KAZN: variants seen among roughly 807,000 people sequenced by gnomAD.
KAZN encodes kazrin.
A neutral mutation model predicts 87.4 loss-of-function variants in KAZN; 40 were observed. That is an observed-to-expected ratio of 0.46 (90% CI 0.36 to 0.60). The LOEUF (loss-of-function observed/expected upper bound fraction) is 0.60. Among genes scored for constraint, KAZN ranks in the 20% least tolerant of loss-of-function variants. KAZN has a pLI of 0.00. For missense variants in KAZN, 898 were observed against 1,073.9 expected (o/e 0.84, Z 2.29); for synonymous variants, 466 against 458.3 (o/e 1.02, Z -0.22).
intron 1 of KAZN, among the ~76,000 whole-genome samples, chr1:14,879,440 T>C (rs1002834138): frequency 1.3e-5 from 2 of 152,214 alleles, no homozygotes; most frequent in Non-Finnish European, 2.9e-5. Context: ...AACTGCTCAG[T>C]GCTACGTACA....
At chr1:14,346,280 A>G (rs1039481906) in intron 2 of KAZN, among the ~76,000 whole-genome samples, 1 of 152,148 alleles carries the variant, frequency 6.6e-6, no homozygotes, top group East Asian at 1.9e-4. Flanking sequence ...TTGGCTCGAA[A>G]ATGCTCTTCA....
In KAZN at chr1:14,847,288, G is replaced by T. The variant is rs1359102859; in HGVS notation, c.227-113396G>T. Among the ~76,000 whole-genome samples the T allele has an allele frequency of 3.9e-5, 6 of 152,306 alleles. No individual in the cohort carries two copies. In the South Asian group the frequency reaches 8.3e-4, roughly 21 times the overall value. On this transcript the variant is annotated intron_variant, in intron 1 of 14. Transcript: ENST00000376030. Reference sequence around the variant, plus strand: ...GAAGTTGTCGTTATCAATCAAAGTAGGGTGGCCACAAGCTCAGGGGCGACA... The same window carrying T: ...GAAGTTGTCGTTATCAATCAAAGTATGGTGGCCACAAGCTCAGGGGCGACA...
intron 1 of KAZN, among the ~76,000 whole-genome samples, chr1:14,904,284 G>A (rs957446826): frequency 6.3e-5 from 8 of 127,550 alleles, no homozygotes; most frequent in South Asian, 2.6e-4. Context: ...CGGCCTGGGC[G>A]AAAGAGCGAG....
At chr1:14,121,462 A>G (rs1255610460) in intron 1 of KAZN, among the ~76,000 whole-genome samples, 1 of 152,200 alleles carries the variant, frequency 6.6e-6, no homozygotes, top group East Asian at 1.9e-4. Context: ...TAAAGTATCC[A>G]CAATTATACA....
intron 1 of KAZN, among the ~76,000 whole-genome samples, chr1:14,141,241 AAAAAAAAAAAAAC>A (rs1645230340): frequency 6.6e-6 from 1 of 151,070 alleles, no homozygotes; most frequent in African/African-American, 2.4e-5. Flanking sequence ...CCATTTAAAA[AAAAAAAAAAAAAC>A]AAAACTAAAA....
At chr1:14,429,577 C>A (rs1347287829) in intron 2 of KAZN, among the ~76,000 whole-genome samples, 2 of 152,130 alleles carry the variant, frequency 1.3e-5, no homozygotes, top group African/African-American at 4.8e-5. Flanking sequence ...AGAAGGCATT[C>A]ACAAAAGGGG....
At chr1:13,991,802 C>T (rs1422736506) in intron 1 of KAZN, among the ~76,000 whole-genome samples, 1 of 152,094 alleles carries the variant, frequency 6.6e-6, no homozygotes, top group Non-Finnish European at 1.5e-5. Context: ...TGACATGATG[C>T]TTCCCAACTT....
chr1:14,486,421 T>C (rs574155965), intron 2 of KAZN, among the ~76,000 whole-genome samples: 1 of 152,328 alleles, frequency 6.6e-6, no homozygotes, highest in East Asian at 1.9e-4. Context: ...AAAATCCTGG[T>C]GCCTACTCTA....
intron 1 of KAZN, among the ~76,000 whole-genome samples, chr1:14,927,029 G>A (rs1035949396): frequency 8.5e-5 from 13 of 152,178 alleles, no homozygotes; most frequent in African/African-American, 2.2e-4. Flanking sequence ...TCCAGGGTGC[G>A]TGACCCAGGG....
chr1:14,524,677 C>T (rs1671772968), intron 2 of KAZN, among the ~76,000 whole-genome samples: 1 of 152,178 alleles, frequency 6.6e-6, no homozygotes, highest in South Asian at 2.1e-4. Flanking sequence ...CCGTTCGACT[C>T]CATAAAACCC....
At position 14,682,008 on chromosome 1, in the gene KAZN, A is replaced by AT. The variant is rs532714423; in HGVS notation, c.226+82787dup. On this transcript the variant is annotated intron_variant, in intron 1 of 14. Coordinates refer to ENST00000376030, the MANE Select transcript of KAZN (RefSeq NM_201628.3). ...GCCCATTTTAACTATTTTTAAATGT[A>AT]TTGTTCAGCAGCATTAAGTTACATC... 6.2e-4 allele frequency among the ~76,000 whole-genome samples: 95 copies of AT among 152,054 alleles called. 1 individual carries two copies. In the East Asian group the frequency reaches 0.01, roughly 16 times the overall value.
intron 1 of KAZN, among the ~76,000 whole-genome samples, chr1:14,161,458 C>T (rs1645707817): frequency 6.6e-6 from 1 of 152,190 alleles, no homozygotes; most frequent in African/African-American, 2.4e-5. Flanking sequence ...AGTAAGATAC[C>T]TCAATGCCTT....
At chr1:14,547,709 A>C (rs1279804598) in intron 2 of KAZN, among the ~76,000 whole-genome samples, 1 of 152,010 alleles carries the variant, frequency 6.6e-6, no homozygotes, top group African/African-American at 2.4e-5. Flanking sequence ...CAGCCTCCCA[A>C]GTAGCTGGAA....
intron 2 of KAZN, among the ~76,000 whole-genome samples, chr1:14,576,640 G>A (rs1232583949): frequency 6.6e-6 from 1 of 152,210 alleles, no homozygotes; most frequent in Non-Finnish European, 1.5e-5. Flanking sequence ...CTTGGTTTCT[G>A]TGAAAGTCTT....
At chr1:14,955,143 A>C (rs61773640) in intron 1 of KAZN, among the ~76,000 whole-genome samples, 15,302 of 152,202 alleles carry the variant, frequency 0.1, 836 homozygotes, top group Middle Eastern at 0.18. Context: ...TCACACAGCA[A>C]CGTAATCTTT....
intron 1 of KAZN, among the ~76,000 whole-genome samples, chr1:14,673,136 A>G (rs1244558648): frequency 6.6e-6 from 1 of 152,172 alleles, no homozygotes; most frequent in Non-Finnish European, 1.5e-5. Context: ...ACATTATATC[A>G]CAGCTGGAGG....
chr1:14,471,828 G>T (rs1488216696), intron 2 of KAZN, among the ~76,000 whole-genome samples: 1 of 152,138 alleles, frequency 6.6e-6, no homozygotes, highest in African/African-American at 2.4e-5. Context: ...TTGTTCTTTG[G>T]CTGTGAAACT....
chr1:14,403,446 C>T lies in KAZN; in HGVS notation c.250-195537C>T, dbSNP rs1358890062. 3.3e-5 allele frequency among the ~76,000 whole-genome samples: 5 copies of T among 151,952 alleles called. No homozygotes were observed. The East Asian group carries it at 7.7e-4, about 23-fold the overall frequency. On this transcript the variant is annotated intron_variant, in intron 2 of 16. Transcript: ENST00000636203. ...AGAAACATTAATATTTGGTTCATTT[C>T]AATTTTATAAGCCTTTTGTGAACAA...
chr1:14,360,329 T>C (rs1338437910), intron 2 of KAZN, among the ~76,000 whole-genome samples: 1 of 152,212 alleles, frequency 6.6e-6, no homozygotes, highest in Non-Finnish European at 1.5e-5. Flanking sequence ...TTATTGTAGT[T>C]AGAAATTCCT....
Sources: allele counts gnomAD v4.1 joint callset (sites outside exome capture counted in the v4.1 genomes callset), GRCh38; gene constraint gnomAD v4.1.1; transcripts MANE v1.5; gene names NCBI Gene and HGNC (gene_info 2026-07-23, HGNC 2026-07-21).